CYLC2: variants seen among roughly 807,000 people sequenced by gnomAD.
CYLC2 encodes cylicin 2.
A neutral mutation model predicts 26.1 loss-of-function variants in CYLC2; 30 were observed. The ratio of observed to expected loss-of-function variants is 1.15; its 90% confidence interval spans 0.86 to 1.56. The LOEUF (loss-of-function observed/expected upper bound fraction) is 1.56, where lower values mean the gene tolerates loss of function less well. Among genes scored for constraint, CYLC2 ranks in the 40% most tolerant of loss-of-function variants. The pLI is 0.00. For missense variants in CYLC2, 498 were observed against 394.4 expected (o/e 1.26, Z -2.23); for synonymous variants, 158 against 132.8 (o/e 1.19, Z -1.31).
intron 6 of CYLC2, among the ~76,000 whole-genome samples, chr9:103,013,736 AATTATAT>A (rs1395687125): frequency 9.0e-6 from 1 of 111,570 alleles, no homozygotes; most frequent in African/African-American, 3.7e-5. Flanking sequence ...TTTTATATAT[AATTATAT>A]ATTATATTAT....
intron 7 of CYLC2, among the ~76,000 whole-genome samples, chr9:103,017,787 A>G (rs1829522480): frequency 6.6e-6 from 1 of 151,992 alleles, no homozygotes; most frequent in Non-Finnish European, 1.5e-5. Context: ...GAAGGCTAAA[A>G]GTCCACAATC....
At chr9:103,013,345 A>AATATATATTTAT (rs1564100471) in intron 6 of CYLC2, among the ~76,000 whole-genome samples, 2 of 16,630 alleles carry the variant, frequency 1.2e-4, no homozygotes, top group Non-Finnish European at 2.4e-4. Context: ...TATATTATAT[A>AATATATATTTAT]AATATATATT....
intron 1 of CYLC2, among the ~76,000 whole-genome samples, chr9:102,996,447 A>AT (rs946990950): frequency 4.6e-5 from 7 of 152,012 alleles, no homozygotes; most frequent in African/African-American, 1.4e-4. Flanking sequence ...TCTTATGGCT[A>AT]TTTTTTATGG....
chr9:103,016,128 A>G (rs1186284972), intron 6 of CYLC2, among the ~76,000 whole-genome samples: 2 of 151,886 alleles, frequency 1.3e-5, no homozygotes, highest in Non-Finnish European at 2.9e-5. Flanking sequence ...TGTCTCAGAT[A>G]TAAGTATAGA....
At position 103,017,577 on chromosome 9, in the gene CYLC2, T is replaced by A. The variant is rs138752559; in HGVS notation, c.*890+616T>A. Among the ~76,000 whole-genome samples, 157 of 152,176 alleles carry A rather than the reference T, an allele frequency of 1.0e-3. 1 individual carries two copies. The highest frequency in any genetic ancestry group is 3.6e-3 in the African/African-American group (148 of 41,556). On this transcript the variant is annotated intron_variant, in intron 7 of 7. Coordinates refer to ENST00000374798, the MANE Select transcript of CYLC2 (RefSeq NM_001340.5). Reference sequence around the variant, plus strand: ...TTTCCTCCATTTATACAAACCTACATGTTAACATATTCACAATATCTATTT... The same window carrying A: ...TTTCCTCCATTTATACAAACCTACAAGTTAACATATTCACAATATCTATTT...
chr9:103,010,097 T>G (rs958416921), intron 5 of CYLC2, among the ~76,000 whole-genome samples: 3 of 151,958 alleles, frequency 2.0e-5, no homozygotes, highest in African/African-American at 4.8e-5. Context: ...TTATTATCAC[T>G]AATTGATTCA....
At chr9:103,000,399 T>C (rs1829276952) in intron 1 of CYLC2, among the ~76,000 whole-genome samples, 1 of 152,022 alleles carries the variant, frequency 6.6e-6, no homozygotes. Flanking sequence ...ACTTAAAATC[T>C]TTCCTCTTCG....
chr9:103,004,299 T>C (rs574115484), intron 3 of CYLC2, among the ~76,000 whole-genome samples: 3 of 152,208 alleles, frequency 2.0e-5, no homozygotes, highest in South Asian at 4.1e-4. Context: ...TATGCCTCAA[T>C]CTGAAACTAT....
chr9:103,001,295 A>C (rs1244835629), intron 1 of CYLC2, among the ~76,000 whole-genome samples: 1 of 151,036 alleles, frequency 6.6e-6, no homozygotes, highest in Non-Finnish European at 1.5e-5. Flanking sequence ...CACACAATAC[A>C]TATAAACAAA....
chr9:103,003,129 T>A lies in CYLC2; in HGVS notation c.59-13T>A, dbSNP rs1407623564. The A allele has an allele frequency of 1.2e-6, 2 of 1,611,632 alleles. No individual in the cohort carries two copies. The highest frequency in any genetic ancestry group is 2.2e-5 in the South Asian group (2 of 90,658). On this transcript the variant is annotated splice_polypyrimidine_tract_variant and intron_variant, in intron 2 of 7. Transcript: ENST00000374798. ...TTCACTCCAAAATGTGTTTTTTGTC[T>A]CCCTTATTTTAGTCAGTGAATTAAG...
At chr9:103,003,576 A>T (rs1185541562) in intron 3 of CYLC2, among the ~76,000 whole-genome samples, 2 of 152,216 alleles carry the variant, frequency 1.3e-5, no homozygotes, top group Non-Finnish European at 2.9e-5. Flanking sequence ...GCCCTACTGA[A>T]CAGCACAGTT....
chr9:103,005,850 A>G lies in CYLC2; in HGVS notation c.*172A>G. The G allele has an allele frequency of 4.4e-6, 3 of 687,838 alleles. No individual in the cohort carries two copies. The highest frequency in any genetic ancestry group is 7.0e-6 in the Non-Finnish European group (3 of 427,236). The allele number at this position is 687,838 out of a possible 1,614,324, so 42.6% of individuals were successfully genotyped here. On this transcript the variant is annotated 3_prime_UTR_variant, in exon 5 of 8. Transcript: ENST00000374798. The stretch of plus-strand genomic sequence containing the variant: ...GAGAACTCAGCAGAGATTTATAAAA[A>G]TATATAAGAAAGATGTTAAGAAAAA...
Position 103,004,983 on chromosome 9 carries a change from G to T in CYLC2, c.352G>T (p.Gly118Cys). Residue 118 changes from glycine to cysteine, a missense_variant, in exon 5 of 8, where the codon GGT (glycine) becomes TGT (cysteine). Gly to Cys is a radical substitution (Grantham distance 159). Transcript: ENST00000374798. ...TTTATCCCCAGAAATTGGTAAGAAA[G>T]GTGAAGACAAGACAACACAGAAGGA... Reference protein sequence around the residue: ...DSKAAEIGKKGEDKTTQKDTT... With the variant: ...DSKAAEIGKKCEDKTTQKDTT... The T allele has an allele frequency of 6.3e-7, 1 of 1,580,754 alleles. No individual in the cohort carries two copies. Among genetic ancestry groups the T allele is most frequent in the Non-Finnish European group, 8.5e-7 (1 of 1,171,734 alleles).
intron 5 of CYLC2, among the ~76,000 whole-genome samples, chr9:103,009,043 G>A (rs1829379831): frequency 6.6e-6 from 1 of 152,010 alleles, no homozygotes; most frequent in South Asian, 2.1e-4. Context: ...TGCACTTGTT[G>A]CATTGGATTT....
chr9:103,010,602 T>C (rs1260896459), intron 5 of CYLC2: 1 of 152,140 alleles, frequency 6.6e-6, no homozygotes, highest in Non-Finnish European at 1.5e-5. Context: ...AATTTTTCTT[T>C]AGCACCACAG....
intron 6 of CYLC2, among the ~76,000 whole-genome samples, chr9:103,012,362 C>A (rs890106838): frequency 1.3e-5 from 2 of 151,904 alleles, no homozygotes; most frequent in African/African-American, 4.8e-5. Context: ...ACTTTTTTAA[C>A]CATTGGACAA....
intron 6 of CYLC2, among the ~76,000 whole-genome samples, chr9:103,015,455 T>C (rs1829492924): frequency 7.2e-6 from 1 of 137,952 alleles, no homozygotes; most frequent in Admixed American, 7.9e-5. Context: ...ATATATATAT[T>C]ATATAATTAT....
chr9:102,996,386 T>A (rs778991632), intron 1 of CYLC2, among the ~76,000 whole-genome samples: 24 of 151,902 alleles, frequency 1.6e-4, no homozygotes, highest in Non-Finnish European at 2.7e-4. Context: ...ATCATGAGCA[T>A]CAAATAGCTT....
At chr9:103,012,569 C>T (rs991900053) in intron 6 of CYLC2, among the ~76,000 whole-genome samples, 1 of 151,772 alleles carries the variant, frequency 6.6e-6, no homozygotes, top group Non-Finnish European at 1.5e-5. Flanking sequence ...AATCTGAGCC[C>T]TAATCCATAA....
Sources: allele counts gnomAD v4.1 joint callset (sites outside exome capture counted in the v4.1 genomes callset), GRCh38; gene constraint gnomAD v4.1.1; transcripts MANE v1.5; gene names NCBI Gene and HGNC (gene_info 2026-07-23, HGNC 2026-07-21).